COL5A1: variants seen among roughly 807,000 people sequenced by gnomAD.
COL5A1 encodes the protein collagen alpha-1(V) chain.
COL5A1 carries 16 observed loss-of-function variants against 263.7 expected under a neutral mutation model. That is an observed-to-expected ratio of 0.06 (90% CI 0.04 to 0.09). The LOEUF is 0.09. Ranked by LOEUF, COL5A1 falls within the 10% of genes least tolerant of loss-of-function variation. The pLI is 1.00. For synonymous variants in COL5A1, 1,012 were observed against 1,004.5 expected (o/e 1.01, Z -0.14); for missense variants, 2,036 against 2,540.5 (o/e 0.80, Z 4.27).
chr9:134,713,167 G>A (rs948135326), intron 4 of COL5A1, among the ~76,000 whole-genome samples: 3 of 152,278 alleles, frequency 2.0e-5, no homozygotes, highest in African/African-American at 4.8e-5. Context: ...GTCCGATAGT[G>A]AGTTTTACCC....
intron 11 of COL5A1, among the ~76,000 whole-genome samples, chr9:134,744,214 T>A (rs1052656612): frequency 1.3e-5 from 2 of 152,278 alleles, no homozygotes; most frequent in Middle Eastern, 3.4e-3. Context: ...CTCCTTGTCT[T>A]TAGAAGTGTT....
At chr9:134,808,504 C>T (rs958578887) in intron 42 of COL5A1, among the ~76,000 whole-genome samples, 1 of 152,162 alleles carries the variant, frequency 6.6e-6, no homozygotes, top group Non-Finnish European at 1.5e-5. Flanking sequence ...TGTATGCATG[C>T]ACATACATGT....
chr9:134,702,394 G>C (rs760074947), intron 4 of COL5A1, among the ~76,000 whole-genome samples: 1 of 152,066 alleles, frequency 6.6e-6, no homozygotes, highest in Admixed American at 6.5e-5. Flanking sequence ...GAGCGCTGCC[G>C]TGAGCTCCTG....
chr9:134,803,048 T>C, intron 39 of COL5A1, 53 bp downstream of exon 39: 2 of 1,432,108 alleles, frequency 1.4e-6, no homozygotes, highest in South Asian at 1.2e-5. Flanking sequence ...AGGAATCATT[T>C]TGGGACTTTG....
intron 9 of COL5A1, among the ~76,000 whole-genome samples, chr9:134,733,115 G>C (rs1009137712): frequency 2.0e-5 from 3 of 152,178 alleles, no homozygotes; most frequent in Non-Finnish European, 4.4e-5. Context: ...TTGTTCTGCC[G>C]CCAGGACTCA....
rs1248825615 is a variant in COL5A1, at chr9:134,796,867, G to C, written c.2864G>C (p.Gly955Ala). 6.2e-7 allele frequency: 1 copy of C among 1,614,210 alleles called. No homozygotes were observed. The highest frequency in any genetic ancestry group is 1.1e-5 in the South Asian group (1 of 91,084). ...PGERGPNGPQ[G>A]PTGFPGPKGP... ...TCCCAGGGACCCAATGGACCCCAAG[G>C]ACCCACAGGATTTCCTGGACCAAAG... Residue 955 changes from glycine to alanine, a missense_variant, in exon 36 of 66, where the codon GGA becomes GCA. Physicochemically the swap from Gly to Ala is moderately conservative, Grantham distance 60 (BLOSUM62 0). This residue lies in a region of COL5A1 where 1,078 missense variants were observed against 1,521.4 expected (regional missense o/e 0.71). Coordinates refer to ENST00000371817, the MANE Select transcript of COL5A1 (RefSeq NM_000093.5).
intron 6 of COL5A1, among the ~76,000 whole-genome samples, chr9:134,729,073 T>G (rs541232227): frequency 6.6e-6 from 1 of 152,250 alleles, no homozygotes; most frequent in African/African-American, 2.4e-5. Context: ...CTGGCCCCGG[T>G]CCCCACCCTG....
chr9:134,803,411 G>T (rs1838181694), intron 39 of COL5A1, among the ~76,000 whole-genome samples: 1 of 152,086 alleles, frequency 6.6e-6, no homozygotes, highest in South Asian at 2.1e-4. Context: ...GAGGCAGGTG[G>T]ATCACCTGAG....
rs745922942 is a variant in COL5A1, at chr9:134,752,676, G to A, written c.1719+31G>A. On this transcript the variant is annotated intron_variant, in intron 14 of 65. Coordinates refer to ENST00000371817, the MANE Select transcript of COL5A1 (RefSeq NM_000093.5). ...TCATTGGCAAATCTGAGAGCTGGGC[G>A]TGGTGTGGGGATTGGCCCACTCCCT... The A allele has an allele frequency of 2.4e-5, 38 of 1,567,814 alleles. No homozygotes were observed. The East Asian group carries it at 3.1e-4, about 13-fold the overall frequency.
chr9:134,723,580 G>A (rs918974243), intron 4 of COL5A1, among the ~76,000 whole-genome samples: 3 of 152,222 alleles, frequency 2.0e-5, no homozygotes, highest in Non-Finnish European at 2.9e-5. Flanking sequence ...TCTTCTATCT[G>A]TTAAATGGAG....
At chr9:134,725,313 A>G (rs994583260) in intron 4 of COL5A1, among the ~76,000 whole-genome samples, 10 of 152,184 alleles carry the variant, frequency 6.6e-5, no homozygotes, top group Non-Finnish European at 1.3e-4. Context: ...TTAGTCGGAC[A>G]CAATTCATAG....
intron 4 of COL5A1, among the ~76,000 whole-genome samples, 183 bp downstream of exon 4, chr9:134,701,516 GA>G (rs1367455509): frequency 6.6e-6 from 1 of 152,242 alleles, no homozygotes; most frequent in East Asian, 1.9e-4. Flanking sequence ...TTCGGAAATG[GA>G]GGGGCCAGAG....
At position 134,701,305 on chromosome 9, in the gene COL5A1, C is replaced by T. The variant is rs560686479; in HGVS notation, c.626C>T (p.Thr209Ile). 1 of 1,613,916 alleles carries T rather than the reference C, an allele frequency of 6.2e-7. No homozygotes were observed. Among genetic ancestry groups the T allele is most frequent in the African/African-American group, 1.3e-5 (1 of 75,044 alleles). ...IDINGIIVFG[T>I]RILDEEVFEG... is the part of the protein sequence containing the mutation. ...ATCAATGGCATCATCGTGTTTGGCA[C>T]CCGGATCCTGGATGAGGAGGTGTTT... The change falls in exon 4 of 66, where the codon ACC (threonine) becomes ATC (isoleucine). Residue 209 changes from threonine (T) to isoleucine (I), a missense_variant. Transcript: ENST00000371817.
chr9:134,730,200 G>A (rs141777917), intron 6 of COL5A1, 36 bp from the exon 7 acceptor site: 48 of 1,609,958 alleles, frequency 3.0e-5, no homozygotes, highest in East Asian at 4.5e-5. Context: ...GCCGGCCTCC[G>A]CCCTGACTCC....
At chr9:134,756,069 C>A (rs1409492389) in intron 16 of COL5A1, among the ~76,000 whole-genome samples, 1 of 152,108 alleles carries the variant, frequency 6.6e-6, no homozygotes, top group Non-Finnish European at 1.5e-5. Flanking sequence ...TTCATAGAGA[C>A]CCTGTTCCCT....
intron 9 of COL5A1, among the ~76,000 whole-genome samples, chr9:134,732,926 C>T (rs1262977098): frequency 6.6e-6 from 1 of 152,172 alleles, no homozygotes; most frequent in African/African-American, 2.4e-5. Flanking sequence ...GCCCCGCCGC[C>T]GGCAGGCAGG....
intron 24 of COL5A1, among the ~76,000 whole-genome samples, chr9:134,767,918 G>T (rs917875038): frequency 6.6e-6 from 1 of 152,218 alleles, no homozygotes; most frequent in Non-Finnish European, 1.5e-5. Context: ...CGGGGGGCCT[G>T]AGAAACACAG....
At chr9:134,768,127 G>C (rs528030404) in intron 24 of COL5A1, among the ~76,000 whole-genome samples, 3 of 152,164 alleles carry the variant, frequency 2.0e-5, no homozygotes, top group African/African-American at 7.2e-5. Flanking sequence ...ATGCCCCCCC[G>C]GGCCCCAGTA....
chr9:134,737,671 C>T (rs1361046589), intron 9 of COL5A1, among the ~76,000 whole-genome samples: 10 of 152,218 alleles, frequency 6.6e-5, no homozygotes, highest in South Asian at 2.1e-4. Context: ...GGGAAGGGGT[C>T]GGAAGTGGGG....
Sources: gnomAD v4.1 joint callset for allele counts (sites outside exome capture counted in the v4.1 genomes callset) on GRCh38, gnomAD v4.1.1 for gene constraint, gnomAD v4.1.1 regional missense constraint, MANE v1.5 for transcripts, NCBI Gene and HGNC (gene_info 2026-07-23, HGNC 2026-07-21) for gene names.